The following DLGAP1 variants were observed in gnomAD, a reference collection of about 807,000 sequenced individuals.
The protein encoded by DLGAP1 is DLG associated protein 1.
In DLGAP1, 11 loss-of-function variants were observed where a neutral mutation model predicts 90.8. The ratio of observed to expected loss-of-function variants is 0.12; its 90% CI spans 0.08 to 0.20. The LOEUF (loss-of-function observed/expected upper bound fraction) is 0.20, where lower values mean the gene tolerates loss of function less well. Among genes scored for constraint, DLGAP1 ranks in the 10% least tolerant of loss-of-function variants. The pLI, the probability that DLGAP1 is intolerant of heterozygous loss-of-function variation, is 1.00. For synonymous variants in DLGAP1, 558 were observed against 540.7 expected (o/e 1.03, Z -0.44); for missense variants, 1,050 against 1,333.8 (o/e 0.79, Z 3.31).
In DLGAP1 at chr18:3,512,365, T is replaced by C. The variant is rs542961839; in HGVS notation, c.2480-3704A>G. On this transcript the variant is annotated intron_variant, in intron 10 of 12. Transcript: ENST00000315677. ...TCCTTTCTTTCCCCAGCTACTCTGT[T>C]AATCTGTCCCTCAGTGGAAGTACAA... Among the ~76,000 whole-genome samples the C allele has an allele frequency of 1.1e-4, 16 of 152,330 alleles. No homozygotes were observed. The East Asian group carries it at 3.1e-3, about 29-fold the overall frequency.
chr18:3,957,795 A>T (rs1032546808), intron 3 of DLGAP1, among the ~76,000 whole-genome samples: 1 of 152,118 alleles, frequency 6.6e-6, no homozygotes, highest in Admixed American at 6.5e-5. Context: ...TCTCTTGCAT[A>T]TTAAATTATA....
rs957174152 is a variant in DLGAP1, at chr18:4,383,498, A to G, written c.-267+71508T>C. On this transcript the variant is annotated intron_variant, in intron 1 of 12. Transcript: ENST00000315677. This position sits in a 1 kb window ranked among gnomAD's most constrained non-coding sequence, Gnocchi z 4.0. ...GAGCTTGTACTAGAAACAGCATTAG[A>G]CAGGGAGATAAGAGACCTGGGTTTT... Among the ~76,000 whole-genome samples, 11 of 152,180 alleles carry G rather than the reference A, an allele frequency of 7.2e-5. No individual in the cohort carries two copies. Among genetic ancestry groups the G allele is most frequent in the African/African-American group, 2.6e-4 (11 of 41,540 alleles).
chr18:3,997,756 ATAT>A (rs1214035680), intron 3 of DLGAP1, among the ~76,000 whole-genome samples: 1 of 152,260 alleles, frequency 6.6e-6, no homozygotes, highest in African/African-American at 2.4e-5. Flanking sequence ...TATGTCACAA[ATAT>A]TATGTATGTA....
chr18:3,655,870 C>T, intron 7 of DLGAP1: 1 of 483,540 alleles, frequency 2.1e-6, no homozygotes, highest in Non-Finnish European at 3.7e-6. Flanking sequence ...CATGTTGGTG[C>T]TGCCCTCTCA....
intron 1 of DLGAP1, among the ~76,000 whole-genome samples, chr18:4,390,783 T>A (rs879817911): frequency 1.3e-5 from 2 of 152,152 alleles, no homozygotes; most frequent in African/African-American, 2.4e-5. Context: ...TTTTTGGCAG[T>A]TATGAATAAA....
At chr18:3,741,037 AT>A (rs1598536054) in intron 6 of DLGAP1, among the ~76,000 whole-genome samples, 1 of 79,446 alleles carries the variant, frequency 1.3e-5, no homozygotes, top group Non-Finnish European at 2.5e-5. Flanking sequence ...CACCACCACC[AT>A]CACCTCACCA....
At chr18:3,740,073 G>A (rs2062835918) in intron 6 of DLGAP1, among the ~76,000 whole-genome samples, 1 of 152,064 alleles carries the variant, frequency 6.6e-6, no homozygotes, top group Non-Finnish European at 1.5e-5. Context: ...TGCTGCTGGG[G>A]GAAATTAAAA....
chr18:3,710,139 G>A (rs553549311), intron 7 of DLGAP1, among the ~76,000 whole-genome samples: 8 of 152,114 alleles, frequency 5.3e-5, no homozygotes, highest in Non-Finnish European at 8.8e-5. Context: ...TCTGTGCAGT[G>A]GGCTCTCTCC....
chr18:4,029,955 G>C (rs1288349015), intron 2 of DLGAP1, among the ~76,000 whole-genome samples: 5 of 152,034 alleles, frequency 3.3e-5, no homozygotes, highest in African/African-American at 1.2e-4. Flanking sequence ...TCTATTTATT[G>C]CCTTTCTCCT....
At chr18:4,226,043 C>T (rs975136547) in intron 1 of DLGAP1, among the ~76,000 whole-genome samples, 8 of 152,024 alleles carry the variant, frequency 5.3e-5, no homozygotes, top group African/African-American at 1.9e-4. Context: ...CTAAAAGCAG[C>T]AAGAGAAAGG....
chr18:4,001,347 TG>T (rs34556389), intron 3 of DLGAP1, among the ~76,000 whole-genome samples: 25,655 of 152,076 alleles, frequency 0.17, 2,316 homozygotes, highest in East Asian at 0.21. Flanking sequence ...TTTTTCAGCT[TG>T]AGTTAAAATA....
chr18:3,817,308 C>T (rs1176383642), intron 4 of DLGAP1, among the ~76,000 whole-genome samples: 1 of 152,118 alleles, frequency 6.6e-6, no homozygotes, highest in Non-Finnish European at 1.5e-5. Flanking sequence ...AATTTGGGCT[C>T]ATACTAGAAA....
At chr18:3,806,395 G>C (rs1406129375) in intron 5 of DLGAP1, among the ~76,000 whole-genome samples, 1 of 152,276 alleles carries the variant, frequency 6.6e-6, no homozygotes, top group East Asian at 1.9e-4. Context: ...TTAGACTCGT[G>C]TGTGTGTATG....
At chr18:4,254,824 G>A (rs939848202) in intron 1 of DLGAP1, among the ~76,000 whole-genome samples, 13 of 152,174 alleles carry the variant, frequency 8.5e-5, no homozygotes, top group African/African-American at 2.9e-4. Context: ...GTAGAAACAC[G>A]AATGAATAAG....
chr18:3,599,713 G>T (rs926601243), intron 7 of DLGAP1, among the ~76,000 whole-genome samples: 3 of 151,822 alleles, frequency 2.0e-5, no homozygotes, highest in Non-Finnish European at 2.9e-5. Flanking sequence ...TCCACCTCCC[G>T]GGTTCAAGCG....
chr18:3,808,344 G>A (rs2066666813), intron 5 of DLGAP1, among the ~76,000 whole-genome samples: 1 of 151,940 alleles, frequency 6.6e-6, no homozygotes, highest in Non-Finnish European at 1.5e-5. Context: ...ATTGGAAAGT[G>A]GGAGTGGGGA....
intron 7 of DLGAP1, among the ~76,000 whole-genome samples, chr18:3,644,228 C>A (rs993363276): frequency 7.2e-5 from 11 of 152,108 alleles, no homozygotes; most frequent in African/African-American, 2.7e-4. Context: ...CATCACAGGA[C>A]ATGTACTAGG....
intron 10 of DLGAP1, among the ~76,000 whole-genome samples, chr18:3,510,871 G>T (rs1043677743): frequency 6.6e-6 from 1 of 152,238 alleles, no homozygotes; most frequent in Non-Finnish European, 1.5e-5. Flanking sequence ...AGACAGCACT[G>T]TTCTAAGCCA....
At chr18:3,607,642 T>C (rs2057385836) in intron 7 of DLGAP1, 1 of 152,208 alleles carries the variant, frequency 6.6e-6, no homozygotes. Flanking sequence ...TATTACCTTC[T>C]CCTGACAATT....
Sources: allele counts gnomAD v4.1 joint callset (sites outside exome capture counted in the v4.1 genomes callset), GRCh38; gene constraint gnomAD v4.1.1; non-coding constraint Gnocchi (gnomAD v3.1); transcripts MANE v1.5; gene names NCBI Gene and HGNC (gene_info 2026-07-23, HGNC 2026-07-21).